The following TEX13C variants were observed in gnomAD, a reference collection of about 807,000 sequenced individuals.
TEX13C encodes TEX13 family member C, also known as testis-expressed protein 13C.
For missense variants in TEX13C, 480 were observed against 298.7 expected, an observed-to-expected ratio of 1.61 and a Z score of -4.47; for synonymous variants, 219 against 116.6, an observed-to-expected ratio of 1.88 and a Z score of -5.65.
chrX:125,321,928 G>A lies in TEX13C; in HGVS notation c.1809G>A (p.Gly603=), dbSNP rs2018847047. The stretch of plus-strand genomic sequence containing the variant: ...TGCACCAGGAGATGGTCCCCCTGGG[G>A]GACAGCAACAGCCATAGCCTGAAGA... The change falls in exon 1 of 1, where the codon GGG becomes GGA. Residue 603 remains glycine (G), a synonymous_variant. Coordinates refer to ENST00000632600, the Ensembl canonical transcript of TEX13C. 6 of 508,497 alleles carry A rather than the reference G, an allele frequency of 1.2e-5. No individual in the cohort carries two copies. In the Admixed American group the frequency reaches 1.3e-4, roughly 11 times the overall value. 41.9% of individuals were successfully genotyped at this position (508,497 alleles called of 1,213,427 possible).
Position 125,323,139 on chromosome X carries a change from C to T in TEX13C, c.*38C>T. 1 of 440,464 alleles carries T rather than the reference C, an allele frequency of 2.3e-6. No homozygotes were observed. Among genetic ancestry groups the T allele is most frequent in the Non-Finnish European group, 4.0e-6 (1 of 252,453 alleles). The allele number at this position is 440,464 out of a possible 1,213,427, so 36.3% of individuals were successfully genotyped here. A position where few individuals can be genotyped will look rare whatever the true frequency, so the allele number is the denominator to read the frequency against. On this transcript the variant is annotated 3_prime_UTR_variant, in exon 1 of 1. Transcript: ENST00000632600. ...CAGGAAGGTAAGTAAGATGGAAGCA[C>T]TCCAAAGAGAAACCAATTTCCCAGG...
chrX:125,324,336 C>A (rs775637616), exon 1 of TEX13C: 2 of 111,728 alleles, frequency 1.8e-5, no homozygotes, highest in Non-Finnish European at 3.8e-5. Flanking sequence ...AAGTAACATC[C>A]AGATCCATTT....
chrX:125,320,118 C>T, upstream of TEX13C: 1 of 471,516 alleles, frequency 2.1e-6, no homozygotes, highest in African/African-American at 2.3e-5. Flanking sequence ...GCCGCAGCCG[C>T]CATGGCGATG....
exon 1 of TEX13C, chrX:125,321,695 A>T: frequency 2.1e-6 from 1 of 479,558 alleles, no homozygotes; most frequent in Non-Finnish European, 3.6e-6. Context: ...GAGTCACAGG[A>T]TGAAGAAAGA....
chrX:125,324,186 GTTA>G (rs2018872078), exon 1 of TEX13C: 1 of 111,459 alleles, frequency 9.0e-6, no homozygotes, highest in African/African-American at 3.3e-5. Context: ...AGACTTGTAT[GTTA>G]TTATCTAGTA....
exon 1 of TEX13C, chrX:125,320,744 A>G (rs977471940): frequency 1.1e-4 from 54 of 513,772 alleles, no homozygotes; most frequent in Non-Finnish European, 1.8e-4. Context: ...TGTGTATTAC[A>G]TGCCTGAACC....
chrX:125,322,348 G>A, exon 1 of TEX13C: 2 of 466,020 alleles, frequency 4.3e-6, no homozygotes, highest in East Asian at 7.6e-5. Flanking sequence ...TGCCCAAGGA[G>A]ATGGTCCCCC....
exon 1 of TEX13C, chrX:125,322,213 G>A: frequency 2.0e-6 from 1 of 509,451 alleles, no homozygotes; most frequent in Non-Finnish European, 3.5e-6. Context: ...TGCCAGTGAT[G>A]CCCAAGGAGA....
exon 1 of TEX13C, chrX:125,320,675 G>T: frequency 1.9e-6 from 1 of 515,707 alleles, no homozygotes; most frequent in Non-Finnish European, 3.5e-6. Context: ...GAGTGAGGCG[G>T]TGGCCACAGA....
chrX:125,320,809 T>C (rs2018829134), exon 1 of TEX13C: 2 of 515,071 alleles, frequency 3.9e-6, no homozygotes, highest in East Asian at 7.2e-5. Context: ...AGGCACCTCA[T>C]CCAGTCCCAT....
At chrX:125,321,040 C>T (rs1405811402) in exon 1 of TEX13C, 4 of 514,040 alleles carry the variant, frequency 7.8e-6, no homozygotes, top group Non-Finnish European at 1.0e-5. Flanking sequence ...GAGTATATCA[C>T]CCAGGAGATA....
chrX:125,321,969 C>G (rs1359993124), exon 1 of TEX13C: 1 of 496,501 alleles, frequency 2.0e-6, no homozygotes, highest in South Asian at 2.5e-5. Flanking sequence ...CCAGTGGTGC[C>G]CCAGGACACA....
chrX:125,322,972 C>T (rs1260323759), exon 1 of TEX13C: 1 of 515,668 alleles, frequency 1.9e-6, no homozygotes, highest in Admixed American at 2.6e-5. Flanking sequence ...AGAAGCCTGC[C>T]TCATGCTCCA....
chrX:125,322,978 C>G (rs2018863208), exon 1 of TEX13C: 5 of 514,110 alleles, frequency 9.7e-6, no homozygotes, highest in Admixed American at 7.9e-5. Context: ...CTGCCTCATG[C>G]TCCAGCCCAG....
chrX:125,322,998 C>T (rs1428001932), exon 1 of TEX13C: 1 of 515,489 alleles, frequency 1.9e-6, no homozygotes. Flanking sequence ...GTGAATTGGG[C>T]CTGCCCATGG....
exon 1 of TEX13C, chrX:125,320,206 C>T (rs1185246050): frequency 5.8e-6 from 3 of 514,616 alleles, no homozygotes; most frequent in African/African-American, 4.6e-5. Flanking sequence ...TCAGGAACGG[C>T]GGCAGCCCAG....
At chrX:125,321,650 G>T (rs1442863660) in exon 1 of TEX13C, 1 of 499,265 alleles carries the variant, frequency 2.0e-6, no homozygotes, top group East Asian at 3.7e-5. Flanking sequence ...AGATCTAGTT[G>T]TGCCCAAGGA....
exon 1 of TEX13C, chrX:125,320,739 A>G: frequency 1.9e-6 from 1 of 515,394 alleles, no homozygotes; most frequent in Non-Finnish European, 3.5e-6. Flanking sequence ...ACAGCTGTGT[A>G]TTACATGCCT....
At chrX:125,324,000 T>C (rs1449849071) in exon 1 of TEX13C, 3 of 112,504 alleles carry the variant, frequency 2.7e-5, no homozygotes, top group Non-Finnish European at 5.6e-5. Context: ...GGAGTTGTAG[T>C]GTTAAATTCT....
Sources: allele counts gnomAD v4.1 joint callset, GRCh38; gene constraint gnomAD v4.1.1; transcripts MANE v1.5; gene names NCBI Gene and HGNC (gene_info 2026-07-23, HGNC 2026-07-21).